FSTL5: variants seen among roughly 807,000 people sequenced by gnomAD.
FSTL5 encodes the protein follistatin-related protein 5.
Under a neutral mutation model 89.1 loss-of-function variants are expected in FSTL5, and 62 were observed. That is an observed-to-expected ratio of 0.70 (90% CI 0.57 to 0.86). The LOEUF (loss-of-function observed/expected upper bound fraction) is 0.86, where lower values mean the gene tolerates loss of function less well. FSTL5 is among the 40% of genes least tolerant of loss of function. The pLI is 0.00. For synonymous variants in FSTL5, 383 were observed against 346.2 expected (o/e 1.11, Z -1.18); for missense variants, 1,057 against 1,001.6 (o/e 1.06, Z -0.75).
chr4:161,523,982 T>C (rs193001975), intron 10 of FSTL5, among the ~76,000 whole-genome samples: 2 of 152,330 alleles, frequency 1.3e-5, no homozygotes, highest in East Asian at 3.9e-4. Context: ...GCCAGGACTC[T>C]TAAAATTTAA....
chr4:161,619,077 C>T (rs1409066224), intron 7 of FSTL5, among the ~76,000 whole-genome samples: 3 of 152,078 alleles, frequency 2.0e-5, no homozygotes, highest in Non-Finnish European at 4.4e-5. Flanking sequence ...CTGAGAAAAA[C>T]AAGAAATGGG....
chr4:161,844,492 A>C (rs1731307084), intron 4 of FSTL5, among the ~76,000 whole-genome samples: 1 of 152,160 alleles, frequency 6.6e-6, no homozygotes, highest in African/African-American at 2.4e-5. Flanking sequence ...ACGTATGTTT[A>C]TTGCAGCACT....
intron 7 of FSTL5, among the ~76,000 whole-genome samples, chr4:161,631,254 T>C (rs1735497160): frequency 6.6e-6 from 1 of 152,228 alleles, no homozygotes; most frequent in African/African-American, 2.4e-5. Flanking sequence ...CTACCTCTTC[T>C]TGTCTTTCAA....
In FSTL5 at chr4:161,865,271, T is replaced by C. The variant is rs1276033532; in HGVS notation, c.409+55133A>G. ...AAAAGCGACCAAGAGTTTTAAGTACTTCTACAGAGAAATAATTGTAAAAAC... is the reference window on the plus strand; with the variant it reads ...AAAAGCGACCAAGAGTTTTAAGTACCTCTACAGAGAAATAATTGTAAAAAC... On this transcript the variant is annotated intron_variant, in intron 4 of 15. Transcript: ENST00000306100. 2.0e-5 allele frequency among the ~76,000 whole-genome samples: 3 copies of C among 152,158 alleles called. No individual in the cohort carries two copies. In the East Asian group the frequency reaches 5.8e-4, roughly 29 times the overall value.
intron 8 of FSTL5, among the ~76,000 whole-genome samples, chr4:161,548,720 G>A (rs907264046): frequency 6.6e-6 from 1 of 151,654 alleles, no homozygotes; most frequent in Non-Finnish European, 1.5e-5. Flanking sequence ...CAAGTGCCAG[G>A]CATTCCAAGA....
At chr4:162,056,203 A>G (rs574118775) in intron 2 of FSTL5, among the ~76,000 whole-genome samples, 1 of 152,156 alleles carries the variant, frequency 6.6e-6, no homozygotes, top group African/African-American at 2.4e-5. Flanking sequence ...ATAAAGCACT[A>G]AAAATCAATT....
At chr4:162,087,514 A>T (rs983830971) in intron 2 of FSTL5, among the ~76,000 whole-genome samples, 4 of 152,174 alleles carry the variant, frequency 2.6e-5, no homozygotes, top group Non-Finnish European at 5.9e-5. Flanking sequence ...GGAAAAAGAA[A>T]GAAAAGTACC....
At chr4:161,774,514 T>C (rs988873079) in intron 5 of FSTL5, among the ~76,000 whole-genome samples, 1 of 152,206 alleles carries the variant, frequency 6.6e-6, no homozygotes, top group African/African-American at 2.4e-5. Flanking sequence ...TGACTAGCCA[T>C]CTTTCCTTTG....
intron 4 of FSTL5, among the ~76,000 whole-genome samples, chr4:161,802,566 A>G (rs575479890): frequency 6.6e-6 from 1 of 151,898 alleles, no homozygotes; most frequent in Admixed American, 6.6e-5. Context: ...TCCCAATCCC[A>G]TAGCATTAAT....
rs533084142 is a variant in FSTL5 at position 162,010,986 on chromosome 4, C to T, written c.160+22639G>A. On this transcript the variant is annotated intron_variant, in intron 3 of 15. Transcript: ENST00000306100. ...TGAATTGCTGGGCTATATGGTAATT[C>T]TGTGTTAAAGATCATTAGTTTTTGA... Among the ~76,000 whole-genome samples the T allele has an allele frequency of 2.3e-4, 35 of 152,044 alleles. 1 individual carries two copies. In the South Asian group the frequency reaches 6.6e-3, roughly 29 times the overall value.
At chr4:161,969,126 C>T (rs17041801) in intron 3 of FSTL5, among the ~76,000 whole-genome samples, 1,521 of 151,940 alleles carry the variant, frequency 0.01, 26 homozygotes, top group African/African-American at 0.034. Context: ...AATTATATAC[C>T]CTACCTAGAT....
intron 10 of FSTL5, among the ~76,000 whole-genome samples, chr4:161,527,622 A>G (rs1318993930): frequency 6.6e-6 from 1 of 151,884 alleles, no homozygotes; most frequent in African/African-American, 2.4e-5. Context: ...TTAGAATGGC[A>G]ATCATTAAAA....
chr4:161,469,070 A>G (rs193280867), intron 13 of FSTL5, among the ~76,000 whole-genome samples: 2 of 152,266 alleles, frequency 1.3e-5, no homozygotes, highest in Admixed American at 6.5e-5. Context: ...TTAAACAACA[A>G]TTCCTCAATT....
chr4:161,393,616 A>G (rs1384029507), intron 15 of FSTL5, among the ~76,000 whole-genome samples: 1 of 152,168 alleles, frequency 6.6e-6, no homozygotes, highest in East Asian at 1.9e-4. Flanking sequence ...GGAAAGGGCA[A>G]ATTCTAATTG....
chr4:161,815,356 C>A (rs1365752109), intron 4 of FSTL5, among the ~76,000 whole-genome samples: 2 of 151,804 alleles, frequency 1.3e-5, no homozygotes, highest in Non-Finnish European at 2.9e-5. Flanking sequence ...TAGTGTGTTG[C>A]CTCTTTTCAT....
At chr4:161,462,611 A>G (rs1733619572) in intron 13 of FSTL5, among the ~76,000 whole-genome samples, 1 of 152,192 alleles carries the variant, frequency 6.6e-6, no homozygotes, top group East Asian at 1.9e-4. Context: ...GGAGACTGTA[A>G]TAATACCTAC....
intron 7 of FSTL5, among the ~76,000 whole-genome samples, chr4:161,597,865 T>C (rs1734081925): frequency 6.6e-6 from 1 of 152,062 alleles, no homozygotes; most frequent in African/African-American, 2.4e-5. Flanking sequence ...ATGAGAATAG[T>C]GGTATTTGTA....
intron 3 of FSTL5, among the ~76,000 whole-genome samples, chr4:161,991,305 G>A (rs1003990268): frequency 8.5e-5 from 13 of 152,078 alleles, no homozygotes; most frequent in African/African-American, 3.1e-4. Flanking sequence ...AAATAACTGA[G>A]CTTCTAGAGA....
At chr4:161,459,760 C>A (rs990989394) in intron 13 of FSTL5, among the ~76,000 whole-genome samples, 2 of 151,902 alleles carry the variant, frequency 1.3e-5, no homozygotes, top group Non-Finnish European at 2.9e-5. Flanking sequence ...TATCCCAATT[C>A]TGATTACAAG....
Sources: gnomAD v4.1 joint callset for allele counts (sites outside exome capture counted in the v4.1 genomes callset) on GRCh38, gnomAD v4.1.1 for gene constraint, MANE v1.5 for transcripts, NCBI Gene and HGNC (gene_info 2026-07-23, HGNC 2026-07-21) for gene names.